The following FER1L6 variants were observed in gnomAD, a reference collection of about 807,000 sequenced individuals.
FER1L6 encodes fer-1 like family member 6, also known as fer-1-like protein 6.
In FER1L6, 177 loss-of-function variants were observed where a neutral mutation model predicts 219.2. The observed-to-expected ratio is 0.81, with a 90% CI of 0.71 to 0.91. The LOEUF (loss-of-function observed/expected upper bound fraction) is 0.91. Ranked by LOEUF, FER1L6 falls within the 40% of genes least tolerant of loss-of-function variation. FER1L6 has a pLI of 0.00. For missense variants in FER1L6, 2,153 were observed against 2,259.9 expected, an observed-to-expected ratio of 0.95 and a Z score of 0.96; for synonymous variants, 768 against 824.3, an observed-to-expected ratio of 0.93 and a Z score of 1.17.
In FER1L6 at chr8:124,118,845, G is replaced by C. The variant is rs767581026; in HGVS notation, c.5291G>C (p.Gly1764Ala). 1 of 1,613,690 alleles carries C rather than the reference G, an allele frequency of 6.2e-7. No individual in the cohort carries two copies. The highest frequency in any genetic ancestry group is 8.5e-7 in the Non-Finnish European group (1 of 1,179,810). ...AAAAGGTTTTGCATCTTTTTGCAGGGCAAGGTTGAAGCTGAGTTCCACCTA... is the reference window on the plus strand; with the variant it reads ...AAAAGGTTTTGCATCTTTTTGCAGGCCAAGGTTGAAGCTGAGTTCCACCTA... ...WPFSKSKELT[G>A]KVEAEFHLVT... Residue 1764 changes from glycine (G) to alanine (A), a missense_variant and splice_region_variant, in exon 40 of 41, where the codon GGC becomes GCC. By Grantham distance (60) the Gly-to-Ala change is moderately conservative. Transcript: ENST00000522917.
At chr8:123,927,936 G>T (rs188179582) in intron 1 of FER1L6, among the ~76,000 whole-genome samples, 1 of 152,014 alleles carries the variant, frequency 6.6e-6, no homozygotes, top group Non-Finnish European at 1.5e-5. Flanking sequence ...TTCCAGAAAT[G>T]GATGCAATGT....
At chr8:124,012,116 C>T (rs1817963187) in intron 14 of FER1L6, among the ~76,000 whole-genome samples, 1 of 151,762 alleles carries the variant, frequency 6.6e-6, no homozygotes. Flanking sequence ...TCCCACATGC[C>T]TTACCAGATC....
At chr8:123,879,879 G>T (rs530491221) in intron 1 of FER1L6, among the ~76,000 whole-genome samples, 170 of 152,272 alleles carry the variant, frequency 1.1e-3, no homozygotes, top group African/African-American at 3.9e-3. Context: ...CTCAGAAGCT[G>T]TTTGTCCATT....
At position 123,853,499 on chromosome 8, in the gene FER1L6, C is replaced by G. The variant is rs1816562550; in HGVS notation, c.-8+1314C>G. On this transcript the variant is annotated intron_variant, in intron 1 of 40. Coordinates refer to ENST00000522917, the MANE Select transcript of FER1L6 (RefSeq NM_001039112.2). The surrounding 1 kb of genome is among the most constrained non-coding windows in gnomAD (Gnocchi z 6.6). ...TTTATTCAACAGTTCTTAGAAAGGT[C>G]TTAATGAGGAAATGATACAGATGAT... Among the ~76,000 whole-genome samples, 1 of 152,092 alleles carries G rather than the reference C, an allele frequency of 6.6e-6. No homozygotes were observed. The highest frequency in any genetic ancestry group is 2.4e-5 in the African/African-American group (1 of 41,426).
At chr8:123,973,565 A>G in intron 7 of FER1L6, 53 bp downstream of exon 7, 2 of 1,312,524 alleles carry the variant, frequency 1.5e-6, no homozygotes, top group South Asian at 2.4e-5. Context: ...GGTTTATAGC[A>G]CCTGGAGTCA....
At chr8:123,927,391 A>G (rs1156810268) in intron 1 of FER1L6, among the ~76,000 whole-genome samples, 3 of 152,238 alleles carry the variant, frequency 2.0e-5, no homozygotes, top group South Asian at 2.1e-4. Flanking sequence ...CCAGGTTTCT[A>G]ATGAAGCTGC....
intron 1 of FER1L6, among the ~76,000 whole-genome samples, chr8:123,886,953 G>A (rs1004285476): frequency 7.9e-5 from 12 of 152,046 alleles, no homozygotes; most frequent in African/African-American, 2.7e-4. Context: ...TATAGAAAGG[G>A]ACCCTTCTGG....
intron 1 of FER1L6, among the ~76,000 whole-genome samples, chr8:123,882,803 A>G (rs1033915799): frequency 5.3e-5 from 8 of 152,176 alleles, no homozygotes; most frequent in African/African-American, 1.2e-4. Context: ...ATTGTGGTGG[A>G]CAAATGTCAT....
chr8:124,072,068 G>A (rs73330120), intron 31 of FER1L6, among the ~76,000 whole-genome samples: 2,623 of 152,246 alleles, frequency 0.017, 67 homozygotes, highest in African/African-American at 0.057. Flanking sequence ...GACATGTTAT[G>A]GCTTTTCTGA....
chr8:124,053,688 G>A (rs530027181), intron 22 of FER1L6, among the ~76,000 whole-genome samples: 4 of 152,038 alleles, frequency 2.6e-5, no homozygotes, highest in East Asian at 3.9e-4. Flanking sequence ...TGGGATCCCC[G>A]TCTCTACAAA....
intron 1 of FER1L6, among the ~76,000 whole-genome samples, chr8:123,933,070 G>A (rs978656714): frequency 1.3e-5 from 2 of 152,186 alleles, no homozygotes; most frequent in East Asian, 1.9e-4. Context: ...CCCACACCTG[G>A]TGTGTCCGAG....
chr8:124,115,454 G>A (rs999564641), intron 39 of FER1L6, among the ~76,000 whole-genome samples: 3 of 152,056 alleles, frequency 2.0e-5, no homozygotes, highest in Admixed American at 1.3e-4. Flanking sequence ...TGGAGCTGGC[G>A]CAAGGCTCTT....
At chr8:124,032,617 C>T (rs1819021520) in intron 18 of FER1L6, among the ~76,000 whole-genome samples, 1 of 151,634 alleles carries the variant, frequency 6.6e-6, no homozygotes, top group Non-Finnish European at 1.5e-5. Context: ...GGTGCCTGCT[C>T]ATGGTCCAAG....
chr8:123,960,224 T>G (rs1280879052), intron 2 of FER1L6, among the ~76,000 whole-genome samples: 1 of 152,140 alleles, frequency 6.6e-6, no homozygotes, highest in East Asian at 1.9e-4. Flanking sequence ...ATCTTTTGGA[T>G]TCAGGTCTTT....
intron 39 of FER1L6, among the ~76,000 whole-genome samples, chr8:124,115,590 A>C (rs977112986): frequency 6.6e-6 from 1 of 152,114 alleles, no homozygotes; most frequent in Non-Finnish European, 1.5e-5. Flanking sequence ...TACTTTCTCT[A>C]TGGGCAGAAG....
At chr8:123,982,993 T>A (rs144187764) in intron 11 of FER1L6, among the ~76,000 whole-genome samples, 452 of 152,330 alleles carry the variant, frequency 3.0e-3, no homozygotes, top group African/African-American at 0.01. Context: ...TTCTGTTTGT[T>A]AGAAATGAAT....
rs759994062 is a variant in FER1L6, at chr8:123,966,009, C to G, written c.200C>G (p.Ser67Ter). ...CATATTAAACTTTCTTTTAATAGAT[C>G]AAAACTGTTGACTAAGATCCATGAT... ...PVPSASPKRR[S>*]KLLTKIHDGE... The change falls in exon 4 of 41, where the codon TCA (serine) becomes TGA (stop). Residue 67 changes from serine (S) to a stop codon, truncating the protein, a stop_gained and splice_region_variant. Transcript: ENST00000522917. LOFTEE classifies it high-confidence loss of function. The G allele has an allele frequency of 3.7e-6, 6 of 1,612,496 alleles. No homozygotes were observed. In the African/African-American group the frequency reaches 8.0e-5, roughly 22 times the overall value.
In FER1L6 at chr8:124,091,556, A is replaced by G; in HGVS notation, c.4525A>G (p.Lys1509Glu). The G allele has an allele frequency of 6.2e-7, 1 of 1,614,070 alleles. No individual in the cohort carries two copies. The highest frequency in any genetic ancestry group is 8.5e-7 in the Non-Finnish European group (1 of 1,179,930). The change falls in exon 34 of 41, where the codon AAA becomes GAA. Residue 1509 changes from lysine (K) to glutamate (E), a missense_variant. Physicochemically the swap from Lys to Glu is moderately conservative, Grantham distance 56 (BLOSUM62 1). Transcript: ENST00000522917. ...IQIGNQVFSG[K>E]TIFTEEDTDE... Reference sequence around the variant, plus strand: ...GATAGGAAACCAAGTCTTTTCTGGAAAAACTATCTTCACTGAAGAGGACAC... The same window carrying G: ...GATAGGAAACCAAGTCTTTTCTGGAGAAACTATCTTCACTGAAGAGGACAC...
In FER1L6 at chr8:123,975,369, C is replaced by G. The variant is rs575011902; in HGVS notation, c.683+63C>G. ...TATGTCCAATTTTAATCTCTTTCCC[C>G]TCCCTCACCACTTTTCTTATGGGTA... On this transcript the variant is annotated intron_variant, in intron 8 of 40. Transcript: ENST00000522917. The G allele has an allele frequency of 3.1e-5, 45 of 1,441,726 alleles. No homozygotes were observed. In the South Asian group the frequency reaches 5.4e-4, roughly 17 times the overall value. 89.3% of individuals were successfully genotyped at this position (1,441,726 alleles called of 1,614,324 possible). A position where few individuals can be genotyped will look rare whatever the true frequency, so the allele number is the denominator to read the frequency against.
Sources: allele counts gnomAD v4.1 joint callset (sites outside exome capture counted in the v4.1 genomes callset), GRCh38; gene constraint gnomAD v4.1.1; non-coding constraint Gnocchi (gnomAD v3.1); transcripts MANE v1.5; gene names NCBI Gene and HGNC (gene_info 2026-07-23, HGNC 2026-07-21).